The following WWTR1 variants were observed in gnomAD, a reference collection of about 807,000 sequenced individuals.
WWTR1 encodes WW domain containing transcription regulator 1, also known as WW domain-containing transcription regulator protein 1.
A neutral mutation model predicts 40.1 loss-of-function variants in WWTR1; 13 were observed. That is an observed-to-expected ratio of 0.32 (90% CI 0.21 to 0.52). The LOEUF (loss-of-function observed/expected upper bound fraction) is 0.52, where lower values mean the gene tolerates loss of function less well. WWTR1 is among the 20% of genes least tolerant of loss of function. The pLI is 0.97. For synonymous variants in WWTR1, 230 were observed against 210.1 expected (o/e 1.09, Z -0.82); for missense variants, 436 against 523.1 (o/e 0.83, Z 1.63).
At chr3:149,573,396 A>T (rs1249767733) in intron 2 of WWTR1, among the ~76,000 whole-genome samples, 1 of 152,138 alleles carries the variant, frequency 6.6e-6, no homozygotes, top group Non-Finnish European at 1.5e-5. Flanking sequence ...CTTCCCAGCC[A>T]GTACCCCATA....
chr3:149,558,284 A>C (rs1028059001), intron 3 of WWTR1, among the ~76,000 whole-genome samples: 1 of 152,068 alleles, frequency 6.6e-6, no homozygotes. Context: ...TTGTAAATAA[A>C]TTAAAAAAAA....
At chr3:149,716,086 T>C (rs1715601337) in intron 5 of WWTR1, among the ~76,000 whole-genome samples, 2 of 152,122 alleles carry the variant, frequency 1.3e-5, no homozygotes. Context: ...TGTTTTGAAT[T>C]CAGAAATTGT....
intron 5 of WWTR1, among the ~76,000 whole-genome samples, chr3:149,716,952 G>C (rs1007080950): frequency 1.3e-5 from 2 of 152,166 alleles, no homozygotes; most frequent in Non-Finnish European, 2.9e-5. Context: ...TGAGGTGGGC[G>C]GGTTACTTGA....
chr3:149,671,521 G>A (rs1427970552), intron 1 of WWTR1, among the ~76,000 whole-genome samples: 1 of 152,128 alleles, frequency 6.6e-6, no homozygotes, highest in Non-Finnish European at 1.5e-5. Flanking sequence ...AAAATTTTCA[G>A]TTGACATCTA....
At chr3:149,571,566 G>C (rs1335899835) in intron 3 of WWTR1, among the ~76,000 whole-genome samples, 1 of 152,156 alleles carries the variant, frequency 6.6e-6, no homozygotes, top group East Asian at 1.9e-4. Context: ...TTTGGAAACT[G>C]TACATCTGCA....
chr3:149,651,565 G>A (rs1186964061), intron 2 of WWTR1, among the ~76,000 whole-genome samples: 13 of 152,122 alleles, frequency 8.5e-5, no homozygotes, highest in Non-Finnish European at 1.2e-4. Flanking sequence ...ACATTAAAAG[G>A]CAATCAGAAA....
intron 1 of WWTR1, among the ~76,000 whole-genome samples, chr3:149,681,049 T>G (rs13100592): frequency 6.6e-6 from 1 of 152,044 alleles, no homozygotes. Flanking sequence ...CTTACAGCTT[T>G]CAATACAAGA....
intron 4 of WWTR1, among the ~76,000 whole-genome samples, chr3:149,541,436 C>T (rs1736097926): frequency 6.6e-6 from 1 of 152,198 alleles, no homozygotes. Flanking sequence ...ACAAAAGTGC[C>T]TGATTGATGC....
At chr3:149,561,837 CA>C (rs1190627273) in intron 3 of WWTR1, among the ~76,000 whole-genome samples, 1 of 152,140 alleles carries the variant, frequency 6.6e-6, no homozygotes, top group Non-Finnish European at 1.5e-5. Context: ...GAATAATGCT[CA>C]GGAAGCTGGT....
At chr3:149,537,407 T>C (rs1735886327) in intron 4 of WWTR1, among the ~76,000 whole-genome samples, 1 of 152,196 alleles carries the variant, frequency 6.6e-6, no homozygotes, top group Non-Finnish European at 1.5e-5. Flanking sequence ...GACACATTGA[T>C]ACACATGATA....
chr3:149,664,974 C>G (rs1430639411), intron 2 of WWTR1, among the ~76,000 whole-genome samples: 4 of 152,108 alleles, frequency 2.6e-5, no homozygotes, highest in African/African-American at 9.7e-5. Flanking sequence ...GATATTTAAT[C>G]TTAACTTCAG....
chr3:149,520,943 G>A lies in WWTR1; in HGVS notation c.1065C>T (p.Thr355=). 6.2e-7 allele frequency: 1 copy of A among 1,612,820 alleles called. No homozygotes were observed. Among genetic ancestry groups the A allele is most frequent in the Non-Finnish European group, 8.5e-7 (1 of 1,179,500 alleles). Residue 355 remains threonine (T), a synonymous_variant, in exon 7 of 7, where the codon ACC becomes ACT. Coordinates refer to ENST00000360632, the MANE Select transcript of WWTR1 (RefSeq NM_015472.6). ...GACAGTCAAGGAAATCAGGGAAACG[G>A]GTCTGTTGGGGATTGATGTTCATGG... ...QTPMNINPQQ[T]RFPDFLDCLP... is the part of the protein sequence containing the mutation.
rs1560107119 is a variant in WWTR1, at chr3:149,657,190, C to T, written c.117G>A (p.Lys39=). The change falls in exon 2 of 7, where the codon AAG becomes AAA. Residue 39 remains lysine, a synonymous_variant. Transcript: ENST00000360632. ...EALFNSVMNP[K]PSSWRKKILP... is the part of the protein sequence containing the mutation. ...GGATCTTCTTCCGCCACGAGCTAGG[C>T]TTCGGATTCATGACAGAGTTGAAGA... The T allele has an allele frequency of 6.2e-7, 1 of 1,611,284 alleles. No individual in the cohort carries two copies. Among genetic ancestry groups the T allele is most frequent in the East Asian group, 2.2e-5 (1 of 44,818 alleles).
chr3:149,572,773 C>A (rs78842959), intron 3 of WWTR1, 91 bp downstream of exon 3: 2 of 1,460,918 alleles, frequency 1.4e-6, no homozygotes, highest in South Asian at 2.6e-5. Context: ...TTTGAGCCCA[C>A]GAGTTCAACA....
intron 2 of WWTR1, among the ~76,000 whole-genome samples, chr3:149,599,857 C>T (rs376482050): frequency 1.3e-5 from 2 of 152,052 alleles, no homozygotes; most frequent in African/African-American, 2.4e-5. Context: ...CTTTAAATAG[C>T]GACAAGGTAT....
intron 1 of WWTR1, among the ~76,000 whole-genome samples, chr3:149,677,792 A>G (rs1714319465): frequency 6.6e-6 from 1 of 152,038 alleles, no homozygotes; most frequent in African/African-American, 2.4e-5. Context: ...GTGAGACAAG[A>G]TTGCACCACT....
chr3:149,710,131 T>G (rs1246031638), intron 5 of WWTR1, among the ~76,000 whole-genome samples: 1 of 152,186 alleles, frequency 6.6e-6, no homozygotes, highest in African/African-American at 2.4e-5. Flanking sequence ...GTACTGGACC[T>G]CTCAGTTGTA....
chr3:149,525,434 G>A (rs545230314), intron 6 of WWTR1, among the ~76,000 whole-genome samples: 69 of 151,894 alleles, frequency 4.5e-4, no homozygotes, highest in African/African-American at 1.4e-3. Flanking sequence ...GGACTATATG[G>A]AGCAAAGATG....
chr3:149,656,342 G>A (rs558896923), intron 2 of WWTR1, among the ~76,000 whole-genome samples: 2 of 152,326 alleles, frequency 1.3e-5, no homozygotes, highest in East Asian at 3.9e-4. Context: ...ACTGTGCTGT[G>A]TGGTCATTAT....
Sources: gnomAD v4.1 joint callset for allele counts (sites outside exome capture counted in the v4.1 genomes callset) on GRCh38, gnomAD v4.1.1 for gene constraint, MANE v1.5 for transcripts, NCBI Gene and HGNC (gene_info 2026-07-23, HGNC 2026-07-21) for gene names.